The following RTN3 variants were observed in gnomAD, a reference collection of about 807,000 sequenced individuals.
RTN3 encodes the protein reticulon-3.
A neutral mutation model predicts 77.8 loss-of-function variants in RTN3; 49 were observed. That is an observed-to-expected ratio of 0.63 (90% CI 0.50 to 0.80). The LOEUF (loss-of-function observed/expected upper bound fraction) is 0.80, where lower values mean the gene tolerates loss of function less well. Among genes scored for constraint, RTN3 ranks in the 30% least tolerant of loss-of-function variants. RTN3 has a pLI of 0.00. For synonymous variants in RTN3, 464 were observed against 446.9 expected, an observed-to-expected ratio of 1.04 and a Z score of -0.48; for missense variants, 1,236 against 1,211.9, an observed-to-expected ratio of 1.02 and a Z score of -0.29.
chr11:63,720,196 A>T lies in RTN3; in HGVS notation c.1694A>T (p.His565Leu), dbSNP rs747798796. ...GAATTGGTCAGTGACTCTGAGCTGC[A>T]TCAAGATCAGCCTGATATTCTTGGA... ...FEELVSDSEL[H>L]QDQPDILGRS... Residue 565 changes from histidine to leucine, a missense_variant, in exon 3 of 9, where the codon CAT becomes CTT. Physicochemically the swap from His to Leu is moderately conservative, Grantham distance 99 (BLOSUM62 -3). Coordinates refer to ENST00000377819, the MANE Select transcript of RTN3 (RefSeq NM_001265589.2). 6.2e-7 allele frequency: 1 copy of T among 1,614,216 alleles called. No homozygotes were observed. Among genetic ancestry groups the T allele is most frequent in the Non-Finnish European group, 8.5e-7 (1 of 1,180,030 alleles).
intron 8 of RTN3, among the ~76,000 whole-genome samples, chr11:63,756,587 C>A (rs778750455): frequency 3.3e-5 from 5 of 151,824 alleles, no homozygotes; most frequent in Non-Finnish European, 7.4e-5. Context: ...ACAAGAGGAT[C>A]AATGGGAAAA....
intron 1 of RTN3, 33 bp downstream of exon 1, chr11:63,681,811 A>G (rs1482266923): frequency 1.3e-6 from 2 of 1,512,030 alleles, no homozygotes; most frequent in South Asian, 1.2e-5. Context: ...GCCCTGGGAA[A>G]GAGGGCGAGC....
intron 1 of RTN3, among the ~76,000 whole-genome samples, chr11:63,692,514 T>C (rs1419201073): frequency 6.6e-6 from 1 of 151,944 alleles, no homozygotes; most frequent in East Asian, 1.9e-4. Context: ...ATCCCAGCAC[T>C]TTGGGAGGCT....
chr11:63,709,737 G>A (rs1942659911), intron 2 of RTN3, among the ~76,000 whole-genome samples: 1 of 152,030 alleles, frequency 6.6e-6, no homozygotes, highest in Admixed American at 6.6e-5. Context: ...GTCTTGTTTT[G>A]TGAACATGAG....
At position 63,735,613 on chromosome 11, in the gene RTN3, CCT is replaced by C. The variant is rs982597818; in HGVS notation, c.2531-14377_2531-14376del. On this transcript the variant is annotated intron_variant, in intron 3 of 8. Coordinates refer to ENST00000377819, the MANE Select transcript of RTN3 (RefSeq NM_001265589.2). The stretch of plus-strand genomic sequence containing the variant: ...CTCTCTCTCTCTCTTTCTTTCAACC[CCT>C]GTTTCCTGGGCTCAAGCCATCCTCC... Among the ~76,000 whole-genome samples, 9 of 62,584 alleles carry C rather than the reference CCT, an allele frequency of 1.4e-4. No individual in the cohort carries two copies. The South Asian group carries it at 1.8e-3, about 12-fold the overall frequency. The allele number at this position is 62,584 out of a possible 152,430, so 41.1% of individuals were successfully genotyped here. A position where few individuals can be genotyped will look rare whatever the true frequency, so the allele number is the denominator to read the frequency against.
chr11:63,715,588 G>A (rs1240820464), intron 2 of RTN3, among the ~76,000 whole-genome samples: 1 of 152,124 alleles, frequency 6.6e-6, no homozygotes, highest in Non-Finnish European at 1.5e-5. Context: ...AATCTGGGGG[G>A]CGGAGGTTGC....
In RTN3 at chr11:63,681,690, C is replaced by A. The variant is rs1207733831; in HGVS notation, c.54C>A (p.Phe18Leu). 6.2e-7 allele frequency: 1 copy of A among 1,611,504 alleles called. No individual in the cohort carries two copies. Among genetic ancestry groups the A allele is most frequent in the South Asian group, 1.1e-5 (1 of 90,888 alleles). ...CCCATTCCATCTCCTCGTCGTCCTTCGGAGCCGAGCCGTCCGCGCCCGGCG... is the reference window on the plus strand; with the variant it reads ...CCCATTCCATCTCCTCGTCGTCCTTAGGAGCCGAGCCGTCCGCGCCCGGCG... Reference protein sequence around the residue: ...TQSHSISSSSFGAEPSAPGGG... With the variant: ...TQSHSISSSSLGAEPSAPGGG... The change falls in exon 1 of 9, where the codon TTC becomes TTA. Residue 18 changes from phenylalanine (F) to leucine (L), a missense_variant. Around this residue, in one of 3 missense-constraint regions of RTN3, gnomAD observed 1,056 missense variants for 990.4 expected, o/e 1.07. Transcript: ENST00000377819.
intron 3 of RTN3, among the ~76,000 whole-genome samples, chr11:63,746,362 G>A (rs2013792971): frequency 6.6e-6 from 1 of 152,112 alleles, no homozygotes; most frequent in Admixed American, 6.6e-5. Flanking sequence ...CTCCCTCTCA[G>A]TATAGATAGA....
Position 63,759,163 on chromosome 11 carries a change from A to G in RTN3, c.*962A>G, listed in dbSNP as rs892229009. 6.6e-6 allele frequency: 1 copy of G among 152,234 alleles called. No homozygotes were observed. Among genetic ancestry groups the G allele is most frequent in the East Asian group, 1.9e-4 (1 of 5,200 alleles). The allele number at this position is 152,234 out of a possible 1,614,324, so 9.4% of individuals were successfully genotyped here. A position where few individuals can be genotyped will look rare whatever the true frequency, so the allele number is the denominator to read the frequency against. ...TGATCCTATCTCAGTCTGGGGGGGA[A>G]CATTCTCAAGAGGTGAAATACAGAA... On this transcript the variant is annotated 3_prime_UTR_variant, in exon 9 of 9. Transcript: ENST00000377819.
intron 1 of RTN3, among the ~76,000 whole-genome samples, chr11:63,692,238 G>T (rs913357624): frequency 2.0e-5 from 3 of 152,076 alleles, no homozygotes; most frequent in African/African-American, 7.2e-5. Flanking sequence ...GGTCAGACTG[G>T]TTTTGAACTC....
intron 3 of RTN3, among the ~76,000 whole-genome samples, chr11:63,744,100 G>A (rs138204741): frequency 2.1e-4 from 32 of 151,806 alleles, no homozygotes; most frequent in African/African-American, 7.2e-4. Context: ...AAAATTAGCC[G>A]GGAGTGGTGG....
intron 5 of RTN3, 63 bp from the exon 6 acceptor site, chr11:63,753,006 A>G: frequency 7.0e-7 from 1 of 1,423,280 alleles, no homozygotes; most frequent in Admixed American, 1.7e-5. Context: ...GGAGAATGAC[A>G]TCAGTTAATG....
chr11:63,712,838 G>C (rs1028134824), intron 2 of RTN3, among the ~76,000 whole-genome samples: 3 of 152,144 alleles, frequency 2.0e-5, no homozygotes, highest in African/African-American at 7.2e-5. Context: ...GCTCACACTT[G>C]TAATCCCAGC....
Position 63,694,720 on chromosome 11 carries a change from C to A in RTN3, c.143-10131C>A, listed in dbSNP as rs558493419. On this transcript the variant is annotated intron_variant, in intron 1 of 8. Transcript: ENST00000377819. ...TGATCCTCCCACCTCAGCCTCCCAA[C>A]GTGCTGGGATCACACGAGTGAGCCA... Among the ~76,000 whole-genome samples, 9 of 152,108 alleles carry A rather than the reference C, an allele frequency of 5.9e-5. No individual in the cohort carries two copies. The South Asian group carries it at 1.7e-3, about 28-fold the overall frequency.
At chr11:63,736,812 A>G (rs1219072401) in intron 3 of RTN3, among the ~76,000 whole-genome samples, 1 of 152,164 alleles carries the variant, frequency 6.6e-6, no homozygotes, top group Non-Finnish European at 1.5e-5. Flanking sequence ...AACGAATCTC[A>G]TTCAGATACT....
At chr11:63,736,215 A>G (rs2013109768) in intron 3 of RTN3, among the ~76,000 whole-genome samples, 1 of 152,082 alleles carries the variant, frequency 6.6e-6, no homozygotes, top group East Asian at 1.9e-4. Context: ...TGGGGAAATC[A>G]TGCTCAGCTC....
intron 3 of RTN3, among the ~76,000 whole-genome samples, chr11:63,725,833 T>G (rs2012223636): frequency 6.6e-6 from 1 of 152,216 alleles, no homozygotes; most frequent in African/African-American, 2.4e-5. Context: ...GCTTATCAGT[T>G]TCACTTCTAG....
Position 63,744,366 on chromosome 11 carries a change from G to A in RTN3, c.2531-5625G>A, listed in dbSNP as rs541494489. On this transcript the variant is annotated intron_variant, in intron 3 of 8. Transcript: ENST00000377819. The stretch of plus-strand genomic sequence containing the variant: ...ACCAGTGGGATACATTCTGAGAAAC[G>A]TCATTAGGTGATTTCATCATTGGGC... Among the ~76,000 whole-genome samples the A allele has an allele frequency of 4.6e-5, 7 of 151,590 alleles. No homozygotes were observed. The South Asian group carries it at 1.5e-3, about 32-fold the overall frequency.
At chr11:63,685,474 C>T (rs938963793) in intron 1 of RTN3, among the ~76,000 whole-genome samples, 5 of 118,972 alleles carry the variant, frequency 4.2e-5, no homozygotes, top group African/African-American at 1.7e-4. Context: ...CCAGCCTAGG[C>T]GACACAGCAA....
Sources: gnomAD v4.1 joint callset for allele counts (sites outside exome capture counted in the v4.1 genomes callset) on GRCh38, gnomAD v4.1.1 for gene constraint, gnomAD v4.1.1 regional missense constraint, MANE v1.5 for transcripts, NCBI Gene and HGNC (gene_info 2026-07-23, HGNC 2026-07-21) for gene names.